Variants in CACNA1E observed in about 807,000 individuals in gnomAD.
The protein encoded by CACNA1E is voltage-dependent R-type calcium channel subunit alpha-1E.
In CACNA1E, 40 loss-of-function variants were observed where a neutral mutation model predicts 259.2. The observed-to-expected ratio is 0.15, with a 90% CI of 0.12 to 0.20. The LOEUF (loss-of-function observed/expected upper bound fraction) is 0.20, where lower values mean the gene tolerates loss of function less well. Ranked by LOEUF, CACNA1E falls within the 10% of genes least tolerant of loss-of-function variation. The probability of loss-of-function intolerance (pLI) is 1.00; values close to 1 mark genes in which losing one functional copy is unlikely to be tolerated. For synonymous variants in CACNA1E, 1,104 were observed against 1,138.5 expected (o/e 0.97, Z 0.61); for missense variants, 1,874 against 3,040.1 (o/e 0.62, Z 9.02).
At chr1:181,731,374 T>A (rs949846064) in intron 19 of CACNA1E, 143 bp downstream of exon 19, 76 of 694,446 alleles carry the variant, frequency 1.1e-4, no homozygotes, top group Admixed American at 9.3e-4. Context: ...TCCGTTCACA[T>A]GATCTGTGGA....
chr1:181,505,001 A>G (rs1415270175), intron 1 of CACNA1E, among the ~76,000 whole-genome samples: 1 of 152,176 alleles, frequency 6.6e-6, no homozygotes, highest in Non-Finnish European at 1.5e-5. Flanking sequence ...GTGAGCTGGT[A>G]CAGGAGGGAA....
chr1:181,461,364 A>G (rs1661796981), intron 2 of CACNA1E, among the ~76,000 whole-genome samples: 3 of 150,822 alleles, frequency 2.0e-5, no homozygotes, highest in Admixed American at 6.6e-5. Context: ...ACACGGTGAA[A>G]CCCCCTCTCT....
rs537027030 is a variant in CACNA1E, at chr1:181,664,987, A to G, written c.1055+13546A>G. On this transcript the variant is annotated intron_variant, in intron 7 of 47. Transcript: ENST00000367573. ...AGGTGCCTTTTTGGATATGAAGACA[A>G]TAACCAAATATAAAAATGCCTCCAT... 7.2e-4 allele frequency among the ~76,000 whole-genome samples: 110 copies of G among 152,316 alleles called. 1 individual carries two copies. Among genetic ancestry groups the G allele is most frequent in the Non-Finnish European group, 1.2e-3 (82 of 68,020 alleles).
intron 7 of CACNA1E, among the ~76,000 whole-genome samples, chr1:181,659,851 A>T (rs1000608926): frequency 6.6e-6 from 1 of 152,210 alleles, no homozygotes; most frequent in African/African-American, 2.4e-5. Flanking sequence ...GCCAGAGGTT[A>T]CAATTTCTCA....
At chr1:181,525,151 A>G (rs1303940254) in intron 3 of CACNA1E, among the ~76,000 whole-genome samples, 3 of 152,194 alleles carry the variant, frequency 2.0e-5, no homozygotes, top group African/African-American at 7.2e-5. Context: ...TCAGAAGAAA[A>G]AACTGGGAAT....
intron 3 of CACNA1E, among the ~76,000 whole-genome samples, chr1:181,549,892 G>A (rs1319628132): frequency 6.6e-6 from 1 of 152,188 alleles, no homozygotes; most frequent in Non-Finnish European, 1.5e-5. Flanking sequence ...CTAGGTCTGT[G>A]TACTGCGGTG....
At chr1:181,488,483 C>G (rs193166207) in intron 1 of CACNA1E, among the ~76,000 whole-genome samples, 38 of 152,262 alleles carry the variant, frequency 2.5e-4, no homozygotes, top group Admixed American at 1.4e-3. Context: ...TCTGAGCATC[C>G]CAGGACAATC....
chr1:181,762,223 T>C (rs1376373138), intron 32 of CACNA1E, among the ~76,000 whole-genome samples: 2 of 152,274 alleles, frequency 1.3e-5, no homozygotes, highest in Non-Finnish European at 2.9e-5. Flanking sequence ...GGATAGCTTT[T>C]TATTTGTCAA....
At chr1:181,514,313 G>C (rs1420139449) in intron 3 of CACNA1E, among the ~76,000 whole-genome samples, 2 of 152,172 alleles carry the variant, frequency 1.3e-5, no homozygotes, top group East Asian at 3.9e-4. Context: ...TCTTACAATT[G>C]TTGGGGTTGT....
intron 7 of CACNA1E, chr1:181,652,199 A>T (rs1374255417): frequency 3.3e-5 from 5 of 152,230 alleles, no homozygotes; most frequent in Non-Finnish European, 7.3e-5. Context: ...GCAAAGATGA[A>T]AAAATGGGAC....
At position 181,673,222 on chromosome 1, in the gene CACNA1E, A is replaced by ATGTG. The variant is rs55948135; in HGVS notation, c.1055+21799_1055+21802dup. Reference sequence around the variant, plus strand: ...TGTTTATGTATGTATGTATATGAGTATGTGTGTGTGTGTGTGTGTGTATTT... The same window carrying ATGTG: ...TGTTTATGTATGTATGTATATGAGTATGTGTGTGTGTGTGTGTGTGTGTGTATTT... On this transcript the variant is annotated intron_variant, in intron 7 of 47. Transcript: ENST00000367573. Among the ~76,000 whole-genome samples the ATGTG allele has an allele frequency of 5.2e-4, 78 of 151,098 alleles. 1 individual carries two copies. The South Asian group carries it at 0.016, about 32-fold the overall frequency.
intron 3 of CACNA1E, among the ~76,000 whole-genome samples, chr1:181,537,625 C>G (rs1342883450): frequency 6.6e-6 from 1 of 152,182 alleles, no homozygotes; most frequent in Non-Finnish European, 1.5e-5. Flanking sequence ...CTTCTAACCT[C>G]TCTGAGTCTC....
chr1:181,649,879 C>T (rs886093364), intron 6 of CACNA1E, among the ~76,000 whole-genome samples: 8 of 151,986 alleles, frequency 5.3e-5, no homozygotes, highest in Non-Finnish European at 1.0e-4. Flanking sequence ...AGGAAGAGGA[C>T]CAAGAAAAAA....
intron 4 of CACNA1E, among the ~76,000 whole-genome samples, chr1:181,578,523 C>T (rs952127476): frequency 6.6e-6 from 1 of 152,206 alleles, no homozygotes; most frequent in Non-Finnish European, 1.5e-5. Context: ...GCCAAGATCA[C>T]GCCACTGCAC....
chr1:181,533,444 CAT>C (rs940311126), intron 3 of CACNA1E, among the ~76,000 whole-genome samples: 8 of 150,706 alleles, frequency 5.3e-5, no homozygotes, highest in Non-Finnish European at 1.2e-4. Flanking sequence ...ACCAAATTCC[CAT>C]ATATATGTGG....
chr1:181,447,470 G>A (rs1032575050), intron 2 of CACNA1E, among the ~76,000 whole-genome samples: 1 of 151,902 alleles, frequency 6.6e-6, no homozygotes, highest in African/African-American at 2.4e-5. Flanking sequence ...GTTCAAGGCT[G>A]CAGTGAGATA....
chr1:181,732,297 C>T lies in CACNA1E; in HGVS notation c.2298-87C>T. 1 of 1,441,892 alleles carries T rather than the reference C, an allele frequency of 6.9e-7. No individual in the cohort carries two copies. Among genetic ancestry groups the T allele is most frequent in the Non-Finnish European group, 9.1e-7 (1 of 1,100,368 alleles). 89.3% of individuals were successfully genotyped at this position (1,441,892 alleles called of 1,614,324 possible). A position where few individuals can be genotyped will look rare whatever the true frequency, so the allele number is the denominator to read the frequency against. On this transcript the variant is annotated intron_variant, in intron 19 of 47. Transcript: ENST00000367573. The surrounding 1 kb of genome is among the most constrained non-coding windows in gnomAD (Gnocchi z 5.5). Reference sequence around the variant, plus strand: ...ACTCCCATTTGCCCCCACCATGTGTCCTGCCCTCTCACATGGCCCCTGTGG... The same window carrying T: ...ACTCCCATTTGCCCCCACCATGTGTTCTGCCCTCTCACATGGCCCCTGTGG...
chr1:181,377,231 G>A (rs1174578268), intron 1 of CACNA1E, among the ~76,000 whole-genome samples: 1 of 152,146 alleles, frequency 6.6e-6, no homozygotes, highest in Non-Finnish European at 1.5e-5. Flanking sequence ...TAAGAGAGGT[G>A]GAGTTTTAGT....
intron 6 of CACNA1E, among the ~76,000 whole-genome samples, chr1:181,592,426 A>G (rs1410313169): frequency 1.4e-5 from 2 of 140,320 alleles, no homozygotes; most frequent in Non-Finnish European, 3.0e-5. Flanking sequence ...GTCCGCAGGG[A>G]CTATGGCTGC....
Sources: allele counts gnomAD v4.1 joint callset (sites outside exome capture counted in the v4.1 genomes callset), GRCh38; gene constraint gnomAD v4.1.1; non-coding constraint Gnocchi (gnomAD v3.1); transcripts MANE v1.5; gene names NCBI Gene and HGNC (gene_info 2026-07-23, HGNC 2026-07-21).